MYO10: variants seen among roughly 807,000 people sequenced by gnomAD.
The protein encoded by MYO10 is unconventional myosin-X.
MYO10 carries 133 observed loss-of-function variants against 257.3 expected under a neutral mutation model. That is an observed-to-expected ratio of 0.52 (90% confidence interval 0.45 to 0.60). The LOEUF (loss-of-function observed/expected upper bound fraction) is 0.60. Ranked by LOEUF, MYO10 falls within the 20% of genes least tolerant of loss-of-function variation. The pLI, the probability that MYO10 is intolerant of heterozygous loss-of-function variation, is 0.00. For missense variants in MYO10, 2,399 were observed against 2,635.7 expected, an observed-to-expected ratio of 0.91 and a Z score of 1.97; for synonymous variants, 1,104 against 1,028.6, an observed-to-expected ratio of 1.07 and a Z score of -1.40.
At chr5:16,719,366 T>A (rs1380781412) in intron 19 of MYO10, among the ~76,000 whole-genome samples, 1 of 152,146 alleles carries the variant, frequency 6.6e-6, no homozygotes, top group East Asian at 1.9e-4. Flanking sequence ...AGGGCAGGTG[T>A]CTGAGCATGA....
At chr5:16,695,105 G>A (rs556090863) in intron 26 of MYO10, among the ~76,000 whole-genome samples, 28 of 152,228 alleles carry the variant, frequency 1.8e-4, no homozygotes, top group East Asian at 1.4e-3. Flanking sequence ...AGGCCGAGGC[G>A]GGTGGATCAC....
intron 23 of MYO10, 76 bp downstream of exon 23, chr5:16,702,849 G>T: frequency 7.6e-7 from 1 of 1,322,396 alleles, no homozygotes; most frequent in South Asian, 1.4e-5. Context: ...TGGGATTTCT[G>T]GCTGCACAGA....
chr5:16,935,456 G>C (rs1746408507), intron 1 of MYO10, among the ~76,000 whole-genome samples: 1 of 152,050 alleles, frequency 6.6e-6, no homozygotes, highest in Admixed American at 6.6e-5. Flanking sequence ...CCGGGCAGTC[G>C]AGCGGGCGGA....
chr5:16,672,308 A>AAAAAAG (rs397796808), intron 37 of MYO10, among the ~76,000 whole-genome samples: 2 of 151,720 alleles, frequency 1.3e-5, no homozygotes, highest in African/African-American at 4.8e-5. Context: ...AAAAAAAAAA[A>AAAAAAG]GTAGGTCCAT....
chr5:16,866,058 C>CACACACACACACAA (rs1491356491), intron 2 of MYO10, among the ~76,000 whole-genome samples: 26 of 131,630 alleles, frequency 2.0e-4, no homozygotes, highest in African/African-American at 7.0e-4. Flanking sequence ...CACACACACA[C>CACACACACACACAA]AAAACAATAG....
intron 3 of MYO10, among the ~76,000 whole-genome samples, chr5:16,800,605 C>T (rs1742093147): frequency 6.6e-6 from 1 of 152,116 alleles, no homozygotes; most frequent in Admixed American, 6.5e-5. Context: ...AAAAGCGATG[C>T]CCACAGCAAG....
intron 11 of MYO10, among the ~76,000 whole-genome samples, 199 bp downstream of exon 11, chr5:16,765,881 T>C (rs759617604): frequency 4.6e-5 from 7 of 152,218 alleles, no homozygotes; most frequent in African/African-American, 9.6e-5. Context: ...TTTTAGACAA[T>C]TAGACAGCAA....
chr5:16,694,600 A>G lies in MYO10; in HGVS notation c.3571T>C (p.Ser1191Pro). 1.9e-6 allele frequency: 3 copies of G among 1,613,866 alleles called. No individual in the cohort carries two copies. The highest frequency in any genetic ancestry group is 2.5e-6 in the Non-Finnish European group (3 of 1,179,892). The change falls in exon 27 of 41, where the codon TCT (serine) becomes CCT (proline). Residue 1191 changes from serine (S) to proline (P), a missense_variant. Physicochemically the swap from Ser to Pro is moderately conservative, Grantham distance 74. Coordinates refer to ENST00000513610, the MANE Select transcript of MYO10 (RefSeq NM_012334.3). ...FLYMKGGLMNSWKRRWCVLKD... is the reference protein window; with the variant it reads ...FLYMKGGLMNPWKRRWCVLKD... ...AGGACGCACCAGCGGCGTTTCCAAGAGTTCATCAGGCCACCTGTTCCCCGT... is the reference window on the plus strand; with the variant it reads ...AGGACGCACCAGCGGCGTTTCCAAGGGTTCATCAGGCCACCTGTTCCCCGT...
chr5:16,763,631 A>G lies in MYO10; in HGVS notation c.1427+24T>C, dbSNP rs546638742. On this transcript the variant is annotated intron_variant, in intron 13 of 40. Transcript: ENST00000513610. ...GTTGCTGCTTTAAAAAAAAAAATTG[A>G]AATGGAATTCTATGAGTGCTTACCG... 1.6e-5 allele frequency: 26 copies of G among 1,588,662 alleles called. No individual in the cohort carries two copies. The East Asian group carries it at 5.6e-4, about 34-fold the overall frequency.
At chr5:16,749,258 A>C (rs1276533720) in intron 19 of MYO10, among the ~76,000 whole-genome samples, 1 of 151,994 alleles carries the variant, frequency 6.6e-6, no homozygotes, top group Non-Finnish European at 1.5e-5. Context: ...AGGCTGAGGC[A>C]GGTGGACCAC....
chr5:16,689,711 A>C, intron 28 of MYO10, 113 bp downstream of exon 28: 1 of 792,770 alleles, frequency 1.3e-6, no homozygotes, highest in Non-Finnish European at 2.1e-6. Context: ...CTTCAAAAAA[A>C]GTCAATTAAA....
chr5:16,920,559 G>C (rs887168596), intron 1 of MYO10, among the ~76,000 whole-genome samples: 2 of 152,200 alleles, frequency 1.3e-5, no homozygotes, highest in Non-Finnish European at 2.9e-5. Context: ...GACTGTCATG[G>C]AACAGTTCTA....
At chr5:16,842,704 C>T (rs1042436713) in intron 2 of MYO10, among the ~76,000 whole-genome samples, 4 of 152,086 alleles carry the variant, frequency 2.6e-5, no homozygotes, top group Admixed American at 2.6e-4. Context: ...ATGGGAGGAT[C>T]GCTTGAGACC....
chr5:16,914,747 T>C (rs1056335755), intron 1 of MYO10, among the ~76,000 whole-genome samples: 1 of 152,098 alleles, frequency 6.6e-6, no homozygotes, highest in African/African-American at 2.4e-5. Context: ...TCACTGCCAG[T>C]CCTTGGAACC....
Position 16,704,261 on chromosome 5 carries a change from G to A in MYO10, c.2276+318C>T, listed in dbSNP as rs184212184. 2.2e-3 allele frequency among the ~76,000 whole-genome samples: 329 copies of A among 152,200 alleles called. 1 individual carries two copies. The highest frequency in any genetic ancestry group is 7.9e-3 in the African/African-American group (326 of 41,524). ...AATTGCTTGAGCCCAGGAGGTCAAG[G>A]CTGCAATAAGCCATGATCGTGCCAC... is the stretch of plus-strand genomic sequence containing the variant. On this transcript the variant is annotated intron_variant, in intron 22 of 40. Transcript: ENST00000513610.
intron 19 of MYO10, 33 bp downstream of exon 19, chr5:16,754,795 C>A: frequency 6.6e-7 from 1 of 1,512,834 alleles, no homozygotes; most frequent in South Asian, 1.2e-5. Flanking sequence ...TCCCTCGAGA[C>A]AGATCCCAGC....
intron 18 of MYO10, among the ~76,000 whole-genome samples, chr5:16,756,072 ATTAT>A (rs1210575445): frequency 1.3e-5 from 2 of 152,154 alleles, no homozygotes; most frequent in Non-Finnish European, 2.9e-5. Flanking sequence ...TAAAAATTTT[ATTAT>A]TTATTTATTT....
intron 40 of MYO10, 33 bp from the exon 41 acceptor site, chr5:16,666,826 C>T (rs1225851246): frequency 1.3e-6 from 2 of 1,531,328 alleles, no homozygotes; most frequent in Admixed American, 3.8e-5. Flanking sequence ...GACACAGCGT[C>T]ACAAGTCTCC....
intron 2 of MYO10, among the ~76,000 whole-genome samples, chr5:16,824,761 G>T (rs968103555): frequency 1.3e-5 from 2 of 152,104 alleles, no homozygotes; most frequent in African/African-American, 2.4e-5. Context: ...CAGCTACTCA[G>T]GAGGCTGAGG....
Sources: allele counts gnomAD v4.1 joint callset (sites outside exome capture counted in the v4.1 genomes callset), GRCh38; gene constraint gnomAD v4.1.1; transcripts MANE v1.5; gene names NCBI Gene and HGNC (gene_info 2026-07-23, HGNC 2026-07-21).